The following MROH2B variants were observed in gnomAD, a reference collection of about 807,000 sequenced individuals.
MROH2B encodes the protein maestro heat like repeat family member 2B.
In MROH2B, 177 loss-of-function variants were observed where a neutral mutation model predicts 208.6. The ratio of observed to expected loss-of-function variants is 0.85; its 90% CI spans 0.75 to 0.96. The LOEUF (loss-of-function observed/expected upper bound fraction) is 0.96. Among genes scored for constraint, MROH2B ranks in the 40% least tolerant of loss-of-function variants. The pLI, the probability that MROH2B is intolerant of heterozygous loss-of-function variation, is 0.00. For missense variants in MROH2B, 2,002 were observed against 1,878.7 expected, an observed-to-expected ratio of 1.07 and a Z score of -1.21; for synonymous variants, 728 against 659.0, an observed-to-expected ratio of 1.10 and a Z score of -1.60.
intron 24 of MROH2B, among the ~76,000 whole-genome samples, chr5:41,025,422 C>G (rs977842362): frequency 6.6e-6 from 1 of 152,144 alleles, no homozygotes; most frequent in African/African-American, 2.4e-5. Context: ...CACAAATAAA[C>G]TAGAAGATCT....
chr5:41,008,107 AAG>A (rs1351870487), intron 33 of MROH2B, among the ~76,000 whole-genome samples: 5 of 152,220 alleles, frequency 3.3e-5, no homozygotes, highest in African/African-American at 1.2e-4. Context: ...ATAATCCTAA[AAG>A]AGTTCTTTTG....
Position 41,018,871 on chromosome 5 carries a change from A to G in MROH2B, c.2577+12T>C, listed in dbSNP as rs146611159. On this transcript the variant is annotated intron_variant, in intron 25 of 41. Transcript: ENST00000399564. ...CAGACTGTCATCCTACTTAGGCCTC[A>G]CTAGTGCATACTTGAATGTGCTCCT... The G allele has an allele frequency of 9.9e-6, 16 of 1,613,878 alleles. No homozygotes were observed. The South Asian group carries it at 1.1e-4, about 11-fold the overall frequency.
At chr5:40,999,925 G>A in intron 39 of MROH2B, 146 bp from the exon 40 acceptor site, 2 of 736,378 alleles carry the variant, frequency 2.7e-6, no homozygotes, top group Admixed American at 2.9e-5. Flanking sequence ...TGTCTTATGG[G>A]TATTTTGATC....
intron 19 of MROH2B, among the ~76,000 whole-genome samples, chr5:41,040,179 T>C (rs1742898844): frequency 6.6e-6 from 1 of 152,186 alleles, no homozygotes; most frequent in Non-Finnish European, 1.5e-5. Flanking sequence ...AATTGACTGA[T>C]GCTTTTAAAG....
intron 24 of MROH2B, among the ~76,000 whole-genome samples, chr5:41,028,279 C>T (rs756951640): frequency 2.6e-5 from 4 of 152,220 alleles, no homozygotes; most frequent in Non-Finnish European, 5.9e-5. Context: ...CTCCTGTCCA[C>T]TCCCACCTCT....
At chr5:41,069,227 A>T (rs1174091113) in intron 2 of MROH2B, among the ~76,000 whole-genome samples, 1 of 152,200 alleles carries the variant, frequency 6.6e-6, no homozygotes, top group Non-Finnish European at 1.5e-5. Context: ...TACTTCCCAG[A>T]TAAGTGTTCG....
rs139815068 is a variant in MROH2B, at chr5:41,013,935, A to G, written c.2983-1200T>C. Among the ~76,000 whole-genome samples the G allele has an allele frequency of 3.9e-5, 6 of 152,208 alleles. No individual in the cohort carries two copies. In the East Asian group the frequency reaches 9.7e-4, roughly 25 times the overall value. ...GATAGCTGGAGTCTTGCAGTTTCCT[A>G]CAAACTGACTTCCCTAATTTTGCTC... On this transcript the variant is annotated intron_variant, in intron 29 of 41. Transcript: ENST00000399564.
Position 41,057,093 on chromosome 5 carries a change from T to A in MROH2B, c.919+16A>T. On this transcript the variant is annotated intron_variant, in intron 9 of 41. Coordinates refer to ENST00000399564, the MANE Select transcript of MROH2B (RefSeq NM_173489.5). ...GGGGACATTTTTATTAAAAGCCTTCTGGATGCTGGTCCTACCTAGAATGAG... is the reference window on the plus strand; with the variant it reads ...GGGGACATTTTTATTAAAAGCCTTCAGGATGCTGGTCCTACCTAGAATGAG... 1 of 1,613,688 alleles carries A rather than the reference T, an allele frequency of 6.2e-7. No homozygotes were observed.
intron 39 of MROH2B, 148 bp downstream of exon 39, chr5:41,000,072 A>G (rs1741338265): frequency 9.5e-7 from 1 of 1,055,374 alleles, no homozygotes; most frequent in South Asian, 1.6e-5. Flanking sequence ...CTATGTCACT[A>G]TATCCTGTGA....
intron 24 of MROH2B, among the ~76,000 whole-genome samples, chr5:41,029,428 T>C (rs1742489640): frequency 6.6e-6 from 1 of 152,182 alleles, no homozygotes; most frequent in South Asian, 2.1e-4. Context: ...GGTTGCCTTT[T>C]CATTTTGTTG....
In MROH2B at chr5:41,013,671, C is replaced by T. The variant is rs551568909; in HGVS notation, c.2983-936G>A. On this transcript the variant is annotated intron_variant, in intron 29 of 41. Transcript: ENST00000399564. ...CTACCATTCTATGTAACTCCAAATG[C>T]TTGCCGGTTGTCCAAGCTTCATGGT... Among the ~76,000 whole-genome samples the T allele has an allele frequency of 8.5e-5, 13 of 152,252 alleles. No homozygotes were observed. The East Asian group carries it at 2.1e-3, about 25-fold the overall frequency.
Position 41,057,260 on chromosome 5 carries a change from C to T in MROH2B, c.849+8G>A, listed in dbSNP as rs6861259. The T allele has an allele frequency of 6.2e-7, 1 of 1,605,620 alleles. No homozygotes were observed. The highest frequency in any genetic ancestry group is 8.5e-7 in the Non-Finnish European group (1 of 1,175,558). On this transcript the variant is annotated splice_region_variant and intron_variant, in intron 8 of 41. Transcript: ENST00000399564. Reference sequence around the variant, plus strand: ...TAAAAATTGGAGTTGACAGCATGGTCTTCTTACCTGCTGGAGTAAATTGAT... The same window carrying T: ...TAAAAATTGGAGTTGACAGCATGGTTTTCTTACCTGCTGGAGTAAATTGAT...
At chr5:41,065,266 T>G in intron 4 of MROH2B, 65 bp downstream of exon 4, 2 of 1,483,262 alleles carry the variant, frequency 1.3e-6, no homozygotes, top group Non-Finnish European at 1.8e-6. Flanking sequence ...TTTGCTCCCA[T>G]TTAGCTTTTA....
chr5:41,005,734 T>C (rs1741567508), intron 34 of MROH2B, 89 bp from the exon 35 acceptor site: 9 of 1,105,842 alleles, frequency 8.1e-6, no homozygotes, highest in Admixed American at 2.1e-5. Context: ...GTAATTTGTC[T>C]AAAAAGGAAT....
chr5:41,060,097 A>G (rs1365832887), intron 6 of MROH2B, among the ~76,000 whole-genome samples: 2 of 152,178 alleles, frequency 1.3e-5, no homozygotes, highest in African/African-American at 4.8e-5. Flanking sequence ...TCAGAAACCT[A>G]GGAAACCATC....
At chr5:41,041,749 C>G (rs184278087) in intron 19 of MROH2B, among the ~76,000 whole-genome samples, 9 of 152,196 alleles carry the variant, frequency 5.9e-5, no homozygotes, top group Middle Eastern at 3.4e-3. Flanking sequence ...GTTATCTTTA[C>G]ATTCTCTCTA....
rs144804817 is a variant in MROH2B at position 41,023,385 on chromosome 5, C to T, written c.2442-4367G>A. ...GCTGAAAACCATGGCACAAGAACTA[C>T]ATGATGAATGCACAAGTTTCAGTAG... On this transcript the variant is annotated intron_variant, in intron 24 of 41. Coordinates refer to ENST00000399564, the MANE Select transcript of MROH2B (RefSeq NM_173489.5). Among the ~76,000 whole-genome samples the T allele has an allele frequency of 4.1e-3, 624 of 152,252 alleles. 5 individuals are homozygous for T. The highest frequency in any genetic ancestry group is 0.014 in the African/African-American group (591 of 41,538).
At chr5:41,032,965 C>G (rs1742624285) in intron 23 of MROH2B, 76 bp downstream of exon 23, 2 of 1,585,816 alleles carry the variant, frequency 1.3e-6, no homozygotes, top group South Asian at 2.3e-5. Flanking sequence ...AGTCTATTCA[C>G]TTTTTAAAAA....
At chr5:41,004,244 G>T in intron 37 of MROH2B, 102 bp downstream of exon 37, 2 of 1,377,894 alleles carry the variant, frequency 1.5e-6, no homozygotes, top group South Asian at 1.4e-5. Context: ...GCAGGCCAAG[G>T]AATATGGGTG....
Sources: gnomAD v4.1 joint callset for allele counts (sites outside exome capture counted in the v4.1 genomes callset) on GRCh38, gnomAD v4.1.1 for gene constraint, MANE v1.5 for transcripts, NCBI Gene and HGNC (gene_info 2026-07-23, HGNC 2026-07-21) for gene names.